CPA6: variants seen among roughly 807,000 people sequenced by gnomAD.
CPA6 encodes the protein carboxypeptidase B.
Under a neutral mutation model 63.3 loss-of-function variants are expected in CPA6, and 58 were observed. That is an observed-to-expected ratio of 0.92 (90% CI 0.74 to 1.14). The LOEUF (loss-of-function observed/expected upper bound fraction) is 1.14. Among genes scored for constraint, CPA6 ranks in the 50% most tolerant of loss-of-function variants. CPA6 has a pLI of 0.00. For missense variants in CPA6, 565 were observed against 526.6 expected (o/e 1.07, Z -0.71); for synonymous variants, 185 against 179.0 (o/e 1.03, Z -0.27).
At chr8:67,595,778 C>T (rs1035585243) in intron 2 of CPA6, among the ~76,000 whole-genome samples, 2 of 152,150 alleles carry the variant, frequency 1.3e-5, no homozygotes, top group African/African-American at 2.4e-5. Flanking sequence ...TTTCCAGGTG[C>T]CGTCTGTCAC....
intron 1 of CPA6, among the ~76,000 whole-genome samples, chr8:67,672,518 GA>G (rs1251478311): frequency 9.2e-5 from 14 of 151,998 alleles, no homozygotes; most frequent in South Asian, 2.1e-4. Flanking sequence ...ATCCATCATC[GA>G]GTCCTTTTAC....
chr8:67,606,627 T>C (rs970450579), intron 2 of CPA6, among the ~76,000 whole-genome samples: 3 of 152,198 alleles, frequency 2.0e-5, no homozygotes, highest in Non-Finnish European at 2.9e-5. Context: ...AGGTGTGCGA[T>C]CACAGACTCA....
At chr8:67,526,438 G>A (rs2128968126) in intron 2 of CPA6, among the ~76,000 whole-genome samples, 1 of 152,252 alleles carries the variant, frequency 6.6e-6, no homozygotes, top group Admixed American at 6.5e-5. Flanking sequence ...GGTGAACATA[G>A]GGTGGACCTG....
chr8:67,639,693 C>A (rs558533673), intron 1 of CPA6, among the ~76,000 whole-genome samples: 1 of 151,678 alleles, frequency 6.6e-6, no homozygotes, highest in East Asian at 1.9e-4. Flanking sequence ...TTTCTTGTCA[C>A]CCACAACGTG....
intron 2 of CPA6, among the ~76,000 whole-genome samples, chr8:67,540,530 C>T (rs1818154): frequency 0.3 from 45,211 of 152,178 alleles, 6,909 homozygotes; most frequent in South Asian, 0.4. Context: ...AGAGCTCAAG[C>T]GCTGTGCTGG....
chr8:67,483,518 T>C (rs1811402782), intron 8 of CPA6: 2 of 538,292 alleles, frequency 3.7e-6, no homozygotes, highest in South Asian at 2.4e-5. Context: ...CTTTTACATA[T>C]GTATTTAAAT....
chr8:67,737,336 A>G (rs1438584591), intron 1 of CPA6, among the ~76,000 whole-genome samples: 1 of 152,150 alleles, frequency 6.6e-6, no homozygotes, highest in African/African-American at 2.4e-5. Context: ...CCTTAACCTA[A>G]TTTCTAGTTG....
intron 2 of CPA6, among the ~76,000 whole-genome samples, chr8:67,529,172 T>A (rs753860089): frequency 6.6e-6 from 1 of 151,880 alleles, no homozygotes; most frequent in Admixed American, 6.6e-5. Context: ...TAAAAAAAAA[T>A]GTTGGAATAA....
chr8:67,501,780 C>T (rs957523636), intron 6 of CPA6, among the ~76,000 whole-genome samples: 6 of 152,152 alleles, frequency 3.9e-5, no homozygotes, highest in African/African-American at 1.2e-4. Context: ...GTTCCAACCT[C>T]GTCTATTTTC....
chr8:67,473,818 G>T (rs925935239), intron 8 of CPA6, among the ~76,000 whole-genome samples: 11 of 152,016 alleles, frequency 7.2e-5, no homozygotes, highest in Non-Finnish European at 1.6e-4. Context: ...TGTTGCCCAG[G>T]CTGGTCTCGA....
At chr8:67,578,620 G>A (rs113020401) in intron 2 of CPA6, among the ~76,000 whole-genome samples, 86 of 63,706 alleles carry the variant, frequency 1.3e-3, no homozygotes, top group African/African-American at 5.4e-3. Context: ...GCTCCTTATG[G>A]GTCCCTGTTA....
intron 1 of CPA6, among the ~76,000 whole-genome samples, chr8:67,731,917 T>C (rs981331373): frequency 6.6e-6 from 1 of 152,206 alleles, no homozygotes; most frequent in Admixed American, 6.5e-5. Flanking sequence ...TTCAGATGAC[T>C]TCCTGTCTAT....
At position 67,483,690 on chromosome 8, in the gene CPA6, A is replaced by G. The variant is rs772713797; in HGVS notation, c.838+78T>C. 7.1e-6 allele frequency: 8 copies of G among 1,134,386 alleles called. No individual in the cohort carries two copies. The African/African-American group carries it at 1.2e-4, about 17-fold the overall frequency. 70.3% of individuals were successfully genotyped at this position (1,134,386 alleles called of 1,614,324 possible). A position where few individuals can be genotyped will look rare whatever the true frequency, so the allele number is the denominator to read the frequency against. On this transcript the variant is annotated intron_variant, in intron 8 of 10. Coordinates refer to ENST00000297770, the MANE Select transcript of CPA6 (RefSeq NM_020361.5). ...CAGAAAAACATGAGTCTCCCATGAG[A>G]GTCCTCTGGACTCATATTTTGCAGA... is the stretch of plus-strand genomic sequence containing the variant.
At position 67,428,090 on chromosome 8, in the gene CPA6, T is replaced by A. The variant is rs759038601; in HGVS notation, c.1083A>T (p.Val361=). Residue 361 remains valine, a synonymous_variant, in exon 10 of 11, where the codon GTA becomes GTT. Transcript: ENST00000297770. The part of the protein sequence containing the change: ...AYKAVNALQS[V]YGVRYRYGPA... ...GTCCATATCTGTATCGTACCCCGTA[T>A]ACTGACTGAAGTGCATTCACAGCTT... The A allele has an allele frequency of 1.2e-6, 2 of 1,613,438 alleles. No individual in the cohort carries two copies. The highest frequency in any genetic ancestry group is 1.1e-5 in the South Asian group (1 of 91,026).
In CPA6 at chr8:67,511,675, C is replaced by G. The variant is rs994260236; in HGVS notation, c.318-20G>C. ...AGGACCCTGAATTTGGAATGACAGA[C>G]ATGATGAAAAGTAAATTGAGATATT... is the stretch of plus-strand genomic sequence containing the variant. On this transcript the variant is annotated intron_variant, in intron 3 of 10. Transcript: ENST00000297770. 1.4e-6 allele frequency: 2 copies of G among 1,417,190 alleles called. No individual in the cohort carries two copies. Among genetic ancestry groups the G allele is most frequent in the Non-Finnish European group, 2.0e-6 (2 of 1,001,892 alleles). 87.8% of individuals were successfully genotyped at this position (1,417,190 alleles called of 1,614,324 possible).
chr8:67,460,123 C>T (rs991116723), intron 8 of CPA6, among the ~76,000 whole-genome samples: 1 of 152,174 alleles, frequency 6.6e-6, no homozygotes, highest in East Asian at 1.9e-4. Flanking sequence ...TTTATTAATA[C>T]TCAGCCTTGA....
intron 2 of CPA6, among the ~76,000 whole-genome samples, chr8:67,547,399 T>C (rs562031573): frequency 2.6e-5 from 4 of 152,320 alleles, no homozygotes; most frequent in African/African-American, 9.6e-5. Context: ...ATATTCCTGG[T>C]ACATGGTAGA....
At chr8:67,639,848 T>C (rs540831279) in intron 1 of CPA6, among the ~76,000 whole-genome samples, 5 of 151,584 alleles carry the variant, frequency 3.3e-5, no homozygotes, top group Non-Finnish European at 7.4e-5. Flanking sequence ...AGGAGCTTTA[T>C]TGAGTGATAG....
chr8:67,702,090 T>C (rs983455254), intron 1 of CPA6, among the ~76,000 whole-genome samples: 6 of 152,096 alleles, frequency 3.9e-5, no homozygotes, highest in African/African-American at 2.4e-5. Flanking sequence ...AGTCTCCCAA[T>C]AGACAGAAAA....
Sources: allele counts gnomAD v4.1 joint callset (sites outside exome capture counted in the v4.1 genomes callset), GRCh38; gene constraint gnomAD v4.1.1; transcripts MANE v1.5; gene names NCBI Gene and HGNC (gene_info 2026-07-23, HGNC 2026-07-21).